WIPF3: variants seen among roughly 807,000 people sequenced by gnomAD.
WIPF3 encodes the protein WAS/WASL-interacting protein family member 3.
WIPF3 carries 33 observed loss-of-function variants against 38.9 expected under a neutral mutation model. That is an observed-to-expected ratio of 0.85 (90% CI 0.64 to 1.14). The LOEUF (loss-of-function observed/expected upper bound fraction) is 1.14, where lower values mean the gene tolerates loss of function less well. WIPF3 is among the 50% of genes most tolerant of loss of function. The probability of loss-of-function intolerance (pLI) is 0.00; values close to 1 mark genes in which losing one functional copy is unlikely to be tolerated. For synonymous variants in WIPF3, 324 were observed against 269.3 expected, an observed-to-expected ratio of 1.20 and a Z score of -1.99; for missense variants, 711 against 652.5, an observed-to-expected ratio of 1.09 and a Z score of -0.98.
intron 1 of WIPF3, among the ~76,000 whole-genome samples, chr7:29,830,373 A>G (rs1784698884): frequency 6.6e-6 from 1 of 152,162 alleles, no homozygotes; most frequent in Admixed American, 6.5e-5. Flanking sequence ...AAGCAGGGAT[A>G]TAACTTGACC....
At position 29,879,171 on chromosome 7, in the gene WIPF3, G is replaced by T. The variant is rs973326936; in HGVS notation, c.355+31G>T. 3 of 1,598,574 alleles carry T rather than the reference G, an allele frequency of 1.9e-6. No homozygotes were observed. The African/African-American group carries it at 4.0e-5, about 21-fold the overall frequency. On this transcript the variant is annotated intron_variant, in intron 4 of 8. Transcript: ENST00000242140. Reference sequence around the variant, plus strand: ...GAAGAATTCATTCTGGCTCCCTTGTGGTCTGTATCTCCTTAACTTGTGGAA... The same window carrying T: ...GAAGAATTCATTCTGGCTCCCTTGTTGTCTGTATCTCCTTAACTTGTGGAA...
chr7:29,913,230 C>A (rs1174456098), intron 8 of WIPF3, among the ~76,000 whole-genome samples: 2 of 151,858 alleles, frequency 1.3e-5, no homozygotes, highest in Non-Finnish European at 2.9e-5. Context: ...TCTGTAATCC[C>A]AGCTACACGG....
intron 2 of WIPF3, among the ~76,000 whole-genome samples, chr7:29,849,320 C>T (rs182416930): frequency 6.6e-6 from 1 of 152,248 alleles, no homozygotes; most frequent in Non-Finnish European, 1.5e-5. Flanking sequence ...TCATAATCTT[C>T]CTTGCTACTT....
In WIPF3 at chr7:29,823,078, TC is replaced by T. The variant is rs1420221731; in HGVS notation, c.-57-11588del. 6.6e-6 allele frequency among the ~76,000 whole-genome samples: 1 copy of T among 152,212 alleles called. No homozygotes were observed. The highest frequency in any genetic ancestry group is 1.5e-5 in the Non-Finnish European group (1 of 68,028). ...TTATCTCAAAGCAGTACTCCTTTGC[TC>T]CTCATATTTATACAACTTAGGAAAG... On this transcript the variant is annotated intron_variant, in intron 1 of 8. Transcript: ENST00000242140. This position sits in a 1 kb window ranked among gnomAD's most constrained non-coding sequence, Gnocchi z 4.0.
intron 1 of WIPF3, among the ~76,000 whole-genome samples, chr7:29,831,921 G>A (rs912005742): frequency 6.6e-6 from 1 of 152,210 alleles, no homozygotes; most frequent in Non-Finnish European, 1.5e-5. Context: ...ATGCAGTCTA[G>A]CCATGTGCTG....
chr7:29,880,801 C>T (rs1448521121), intron 4 of WIPF3, among the ~76,000 whole-genome samples: 2 of 152,198 alleles, frequency 1.3e-5, no homozygotes, highest in Non-Finnish European at 2.9e-5. Flanking sequence ...AGGAGAAAGC[C>T]ACCAGATAAA....
intron 4 of WIPF3, among the ~76,000 whole-genome samples, chr7:29,882,671 T>C (rs952613280): frequency 1.3e-5 from 2 of 152,180 alleles, no homozygotes; most frequent in African/African-American, 4.8e-5. Flanking sequence ...ACTCAAGTAC[T>C]GCAAATCTCA....
chr7:29,830,250 G>A (rs1023048455), intron 1 of WIPF3, among the ~76,000 whole-genome samples: 2 of 151,232 alleles, frequency 1.3e-5, no homozygotes, highest in Non-Finnish European at 2.9e-5. Flanking sequence ...AAAACTAGAC[G>A]GAAACCAAGG....
intron 2 of WIPF3, among the ~76,000 whole-genome samples, chr7:29,847,502 G>A (rs1785018643): frequency 2.6e-5 from 4 of 152,232 alleles, no homozygotes; most frequent in South Asian, 4.1e-4. Context: ...ACCCAACGAT[G>A]TAGCGGAAAT....
At chr7:29,845,961 G>A (rs771085992) in intron 2 of WIPF3, among the ~76,000 whole-genome samples, 3 of 152,204 alleles carry the variant, frequency 2.0e-5, no homozygotes, top group Non-Finnish European at 2.9e-5. Flanking sequence ...AACATTCTGC[G>A]TTGTGTTGTA....
chr7:29,862,408 G>A (rs184949610), intron 2 of WIPF3, among the ~76,000 whole-genome samples: 67 of 152,304 alleles, frequency 4.4e-4, no homozygotes, highest in Admixed American at 1.5e-3. Flanking sequence ...TAAGACATGG[G>A]ATAGTCGGCA....
chr7:29,809,213 T>C (rs1387147596), intron 1 of WIPF3, among the ~76,000 whole-genome samples: 1 of 152,210 alleles, frequency 6.6e-6, no homozygotes, highest in Non-Finnish European at 1.5e-5. Flanking sequence ...ATTCCGAACT[T>C]AAAGAGGTAG....
At chr7:29,888,339 CAG>C in intron 6 of WIPF3, 122 bp downstream of exon 6, 1 of 1,274,944 alleles carries the variant, frequency 7.8e-7, no homozygotes, top group South Asian at 1.5e-5. Flanking sequence ...CTTTCATGAA[CAG>C]GGGCTCACTC....
chr7:29,839,498 C>G (rs994571975), intron 2 of WIPF3, among the ~76,000 whole-genome samples: 2 of 152,164 alleles, frequency 1.3e-5, no homozygotes, highest in Non-Finnish European at 2.9e-5. Flanking sequence ...CTATCACAAG[C>G]CTCTGCTGGA....
chr7:29,858,375 A>G (rs1785222064), intron 2 of WIPF3, among the ~76,000 whole-genome samples: 1 of 152,200 alleles, frequency 6.6e-6, no homozygotes. Context: ...ATCAGCACAA[A>G]AGAAGGACAG....
chr7:29,817,708 C>T (rs939913555), intron 1 of WIPF3, among the ~76,000 whole-genome samples: 2 of 152,070 alleles, frequency 1.3e-5, no homozygotes, highest in African/African-American at 2.4e-5. Context: ...ATTACCATTA[C>T]TGATTCTCCA....
chr7:29,810,858 A>G (rs942094007), intron 1 of WIPF3, among the ~76,000 whole-genome samples: 1 of 152,104 alleles, frequency 6.6e-6, no homozygotes, highest in Non-Finnish European at 1.5e-5. Context: ...AATAGTATTT[A>G]TCTCATGTTT....
At chr7:29,837,702 AT>A (rs1338692334) in intron 2 of WIPF3, among the ~76,000 whole-genome samples, 3 of 152,312 alleles carry the variant, frequency 2.0e-5, no homozygotes, top group African/African-American at 7.2e-5. Context: ...TACAATACAT[AT>A]TAAAGGCAAA....
intron 2 of WIPF3, among the ~76,000 whole-genome samples, chr7:29,872,983 C>T (rs1190056443): frequency 6.6e-6 from 1 of 152,140 alleles, no homozygotes. Context: ...TTGCCATGTC[C>T]TCCTGCTGAC....
Sources: allele counts gnomAD v4.1 joint callset (sites outside exome capture counted in the v4.1 genomes callset), GRCh38; gene constraint gnomAD v4.1.1; non-coding constraint Gnocchi (gnomAD v3.1); transcripts MANE v1.5; gene names NCBI Gene and HGNC (gene_info 2026-07-23, HGNC 2026-07-21).